PTPRD: variants seen among roughly 807,000 people sequenced by gnomAD.
PTPRD encodes the protein receptor-type tyrosine-protein phosphatase delta.
Under a neutral mutation model 214.5 loss-of-function variants are expected in PTPRD, and 34 were observed. The observed-to-expected ratio is 0.16, with a 90% CI of 0.12 to 0.21. The LOEUF (loss-of-function observed/expected upper bound fraction) is 0.21, where lower values mean the gene tolerates loss of function less well. Among genes scored for constraint, PTPRD ranks in the 10% least tolerant of loss-of-function variants. The pLI is 1.00. For missense variants in PTPRD, 2,545 were observed against 2,398.7 expected (o/e 1.06, Z -1.27); for synonymous variants, 1,128 against 845.7 (o/e 1.33, Z -5.79).
intron 5 of PTPRD, among the ~76,000 whole-genome samples, chr9:9,832,130 G>C (rs1452979779): frequency 6.6e-6 from 1 of 151,964 alleles, no homozygotes; most frequent in Non-Finnish European, 1.5e-5. Flanking sequence ...ATGCATAAGT[G>C]AGCCAAGCTG....
chr9:9,384,352 T>C, intron 9 of PTPRD, among the ~76,000 whole-genome samples: 1 of 53,046 alleles, frequency 1.9e-5, no homozygotes, highest in Admixed American at 1.9e-4. Context: ...GCTTTTTTTT[T>C]TTTTTTTTTT....
At chr9:9,437,187 C>T (rs1350202204) in intron 8 of PTPRD, among the ~76,000 whole-genome samples, 5 of 152,094 alleles carry the variant, frequency 3.3e-5, no homozygotes, top group East Asian at 3.9e-4. Context: ...ACACAAACAA[C>T]GAAATATCAG....
chr9:10,150,726 G>C (rs950563749), intron 3 of PTPRD, among the ~76,000 whole-genome samples: 1 of 151,530 alleles, frequency 6.6e-6, no homozygotes, highest in Admixed American at 6.6e-5. Context: ...AAAAGAAATG[G>C]TGAAATAAAT....
At chr9:9,053,038 T>C (rs1448328403) in intron 10 of PTPRD, among the ~76,000 whole-genome samples, 1 of 152,154 alleles carries the variant, frequency 6.6e-6, no homozygotes, top group East Asian at 1.9e-4. Context: ...ATTGGAAAAA[T>C]ATAGTATCAG....
chr9:9,789,256 G>A (rs1471212171), intron 5 of PTPRD, among the ~76,000 whole-genome samples: 9 of 152,116 alleles, frequency 5.9e-5, no homozygotes, highest in African/African-American at 2.2e-4. Flanking sequence ...ATACATCCAA[G>A]GTAAGCATCA....
chr9:8,360,697 C>T (rs186485895), intron 39 of PTPRD, among the ~76,000 whole-genome samples: 5 of 152,232 alleles, frequency 3.3e-5, no homozygotes, highest in Non-Finnish European at 2.9e-5. Flanking sequence ...TAGCCAATTA[C>T]ACTTAGTAGT....
intron 2 of PTPRD, among the ~76,000 whole-genome samples, chr9:10,606,460 A>G (rs1014598068): frequency 6.6e-6 from 1 of 151,760 alleles, no homozygotes; most frequent in Non-Finnish European, 1.5e-5. Flanking sequence ...TTCTAAATAC[A>G]GGTTTTTCGT....
intron 37 of PTPRD, among the ~76,000 whole-genome samples, chr9:8,383,846 G>A (rs2086021304): frequency 6.6e-6 from 1 of 152,206 alleles, no homozygotes; most frequent in African/African-American, 2.4e-5. Context: ...GGCAAGGAAT[G>A]AAGGCAAGCT....
At chr9:8,727,959 T>G (rs2098604224) in intron 12 of PTPRD, among the ~76,000 whole-genome samples, 1 of 152,206 alleles carries the variant, frequency 6.6e-6, no homozygotes, top group Admixed American at 6.5e-5. Flanking sequence ...CTTAAGAACA[T>G]TTTTGAGGCC....
chr9:9,767,391 T>C (rs1294620253), intron 5 of PTPRD, among the ~76,000 whole-genome samples: 3 of 152,044 alleles, frequency 2.0e-5, no homozygotes, highest in East Asian at 3.9e-4. Context: ...GCACAGATAA[T>C]AGATTTAAAT....
intron 5 of PTPRD, among the ~76,000 whole-genome samples, chr9:9,858,248 G>C (rs531783023): frequency 6.2e-4 from 95 of 152,256 alleles, no homozygotes; most frequent in Non-Finnish European, 9.7e-4. Flanking sequence ...ATTGCTAGTA[G>C]CAGACAAATG....
intron 12 of PTPRD, among the ~76,000 whole-genome samples, chr9:8,691,301 T>TGTGCTG (rs1237188102): frequency 1.4e-4 from 21 of 151,986 alleles, no homozygotes; most frequent in African/African-American, 4.8e-4. Flanking sequence ...TTTCTTCCTC[T>TGTGCTG]CCATCCTACT....
At chr9:8,428,836 T>C (rs2094862054) in intron 35 of PTPRD, among the ~76,000 whole-genome samples, 1 of 152,254 alleles carries the variant, frequency 6.6e-6, no homozygotes, top group Non-Finnish European at 1.5e-5. Context: ...CAAAACCTAA[T>C]AATGATGACT....
chr9:9,878,447 A>G (rs2067564984), intron 5 of PTPRD, among the ~76,000 whole-genome samples: 1 of 152,192 alleles, frequency 6.6e-6, no homozygotes, highest in African/African-American at 2.4e-5. Context: ...GAGAAGACTA[A>G]GGAGAGTCAT....
chr9:9,192,950 T>C (rs891878214), intron 9 of PTPRD, among the ~76,000 whole-genome samples: 2 of 152,042 alleles, frequency 1.3e-5, no homozygotes, highest in Non-Finnish European at 2.9e-5. Flanking sequence ...CTGCAATCAT[T>C]TTGCATTTTA....
intron 7 of PTPRD, among the ~76,000 whole-genome samples, chr9:9,682,700 T>C (rs2097097405): frequency 6.6e-6 from 1 of 151,648 alleles, no homozygotes; most frequent in Non-Finnish European, 1.5e-5. Flanking sequence ...GATAAGGAAA[T>C]TGTCTGGAGG....
chr9:10,173,190 T>G (rs966973908), intron 3 of PTPRD, among the ~76,000 whole-genome samples: 2 of 152,192 alleles, frequency 1.3e-5, no homozygotes, highest in South Asian at 2.1e-4. Context: ...GGGATTTATT[T>G]TGAAGTGTTG....
chr9:8,369,637 G>A (rs1033062479), intron 39 of PTPRD, among the ~76,000 whole-genome samples: 1 of 151,796 alleles, frequency 6.6e-6, no homozygotes, highest in African/African-American at 2.4e-5. Flanking sequence ...GTTTCACTTA[G>A]AAGATCAATT....
At chr9:8,738,401 T>C (rs2091036957) in intron 11 of PTPRD, among the ~76,000 whole-genome samples, 1 of 152,134 alleles carries the variant, frequency 6.6e-6, no homozygotes, top group African/African-American at 2.4e-5. Context: ...TGTGTCTAAA[T>C]ACTGTATTAA....
Sources: gnomAD v4.1 joint callset for allele counts (sites outside exome capture counted in the v4.1 genomes callset) on GRCh38, gnomAD v4.1.1 for gene constraint, MANE v1.5 for transcripts, NCBI Gene and HGNC (gene_info 2026-07-23, HGNC 2026-07-21) for gene names.